DDX17: variants seen among roughly 807,000 people sequenced by gnomAD.
DDX17 encodes the protein DEAD-box helicase 17.
Under a neutral mutation model 80.8 loss-of-function variants are expected in DDX17, and 10 were observed. The ratio of observed to expected loss-of-function variants is 0.12; its 90% CI spans 0.08 to 0.21. DDX17 has a LOEUF of 0.21. Among genes scored for constraint, DDX17 ranks in the 10% least tolerant of loss-of-function variants. The pLI is 1.00. For missense variants in DDX17, 586 were observed against 957.4 expected (o/e 0.61, Z 5.12); for synonymous variants, 339 against 336.2 (o/e 1.01, Z -0.09).
chr22:38,489,607 G>A lies in DDX17; in HGVS notation c.1448-1492C>T, dbSNP rs904761581. ...TTGCCCAGACTGGATTAATTTCAAGGGAGAAAGGGGAGATTAAAAAAAAAA... is the reference window on the plus strand; with the variant it reads ...TTGCCCAGACTGGATTAATTTCAAGAGAGAAAGGGGAGATTAAAAAAAAAA... On this transcript the variant is annotated intron_variant, in intron 11 of 12. Transcript: ENST00000403230. This position sits in a 1 kb window ranked among gnomAD's most constrained non-coding sequence, Gnocchi z 4.6. 1 of 984,984 alleles carries A rather than the reference G, an allele frequency of 1.0e-6. No homozygotes were observed. Among genetic ancestry groups the A allele is most frequent in the African/African-American group, 1.7e-5 (1 of 57,164 alleles). The allele number at this position is 984,984 out of a possible 1,614,324, so 61.0% of individuals were successfully genotyped here. A position where few individuals can be genotyped will look rare whatever the true frequency, so the allele number is the denominator to read the frequency against.
In DDX17 at chr22:38,485,739, G is replaced by A. The variant is rs1437940236; in HGVS notation, c.*196C>T. 7 of 530,490 alleles carry A rather than the reference G, an allele frequency of 1.3e-5. No homozygotes were observed. Among genetic ancestry groups the A allele is most frequent in the Non-Finnish European group, 2.1e-5 (7 of 338,292 alleles). The allele number at this position is 530,490 out of a possible 1,614,324, so 32.9% of individuals were successfully genotyped here. Reference sequence around the variant, plus strand: ...ATGTTATTCCAGACTGGATCATTTTGGTGGGCAGAAGAAACCTGGCAGTGA... The same window carrying A: ...ATGTTATTCCAGACTGGATCATTTTAGTGGGCAGAAGAAACCTGGCAGTGA... On this transcript the variant is annotated 3_prime_UTR_variant, in exon 13 of 13. Transcript: ENST00000403230.
At position 38,487,909 on chromosome 22, in the gene DDX17, C is replaced by A. The variant is rs1412109977; in HGVS notation, c.1654G>T (p.Val552Leu). Residue 552 changes from valine (V) to leucine (L), a missense_variant, in exon 12 of 13, where the codon GTG becomes TTG. Transcript: ENST00000403230. Reference sequence around the variant, plus strand: ...CCTCCGCCGCCTCCTCTGTGGTCCACAAGCTGCATCAGTTTTGGATTGATA... The same window carrying A: ...CCTCCGCCGCCTCCTCTGTGGTCCAAAAGCTGCATCAGTTTTGGATTGATA... 6.2e-7 allele frequency: 1 copy of A among 1,614,112 alleles called. No homozygotes were observed. Among genetic ancestry groups the A allele is most frequent in the African/African-American group, 1.3e-5 (1 of 74,934 alleles).
At chr22:38,486,514 G>A in intron 12 of DDX17, 74 bp from the exon 13 acceptor site, 1 of 1,459,266 alleles carries the variant, frequency 6.9e-7, no homozygotes, top group Non-Finnish European at 9.1e-7. Context: ...AATTCTACTG[G>A]GTACAAAAGT....
chr22:38,494,941 C>T lies in DDX17; in HGVS notation c.986G>A (p.Arg329Lys). 6.2e-7 allele frequency: 1 copy of T among 1,614,246 alleles called. No homozygotes were observed. The highest frequency in any genetic ancestry group is 8.5e-7 in the Non-Finnish European group (1 of 1,180,050). The stretch of plus-strand genomic sequence containing the variant: ...GGGTTCAAACCCCATATCAAGCATT[C>T]TGTCAGCTTCGTCCAATACAAGGTA... The change falls in exon 7 of 13, where the codon AGA becomes AAA. Residue 329 changes from arginine to lysine, a missense_variant. Arg to Lys is a conservative substitution (Grantham distance 26). Transcript: ENST00000403230.
intron 10 of DDX17, 122 bp from the exon 11 acceptor site, chr22:38,492,237 C>A (rs1459691281): frequency 5.7e-6 from 4 of 703,396 alleles, no homozygotes; most frequent in Non-Finnish European, 9.2e-6. Flanking sequence ...TAATGACTGA[C>A]AGTGATTCTT....
chr22:38,502,601 T>A (rs34502219), intron 1 of DDX17, among the ~76,000 whole-genome samples: 1 of 152,216 alleles, frequency 6.6e-6, no homozygotes. Context: ...GCTTTTTATA[T>A]ACCTTTCACA....
chr22:38,495,441 T>C (rs942054848), intron 6 of DDX17, among the ~76,000 whole-genome samples: 3 of 152,090 alleles, frequency 2.0e-5, no homozygotes, highest in Admixed American at 1.3e-4. Flanking sequence ...GAGACGGGGT[T>C]TCACCATGTT....
chr22:38,495,277 GCT>G (rs1224139248), intron 6 of DDX17, among the ~76,000 whole-genome samples: 3 of 121,272 alleles, frequency 2.5e-5, no homozygotes, highest in Non-Finnish European at 3.3e-5. Context: ...ATGGAGTCTT[GCT>G]CTGTCACCCA....
intron 1 of DDX17, among the ~76,000 whole-genome samples, chr22:38,502,211 G>C (rs1357718398): frequency 6.6e-6 from 1 of 152,156 alleles, no homozygotes; most frequent in Non-Finnish European, 1.5e-5. Context: ...AGGAGTTTGA[G>C]ACCAGCCTGG....
At chr22:38,490,398 G>A (rs1425985791) in intron 11 of DDX17, 4 of 1,289,316 alleles carry the variant, frequency 3.1e-6, no homozygotes, top group South Asian at 2.5e-5. Context: ...GATTTGTCTC[G>A]GCCATGTATT....
chr22:38,498,072 G>T lies in DDX17; in HGVS notation c.738+13C>A. The T allele has an allele frequency of 6.2e-7, 1 of 1,612,104 alleles. No individual in the cohort carries two copies. The highest frequency in any genetic ancestry group is 1.1e-5 in the South Asian group (1 of 90,906). On this transcript the variant is annotated intron_variant, in intron 5 of 12. Transcript: ENST00000403230. ...TTTTTCTTAGAATTACAAAGAAACT[G>T]AAACACACTTACGATTGGGCCATCT...
Position 38,489,207 on chromosome 22 carries a change from A to G in DDX17, c.1448-1092T>C. ...TTTGTGATATAAATAATTAAAAAAC[A>G]TTCTCTGTTTGTTACCAGACCGATG... On this transcript the variant is annotated intron_variant, in intron 11 of 12. Transcript: ENST00000403230. This position sits in a 1 kb window ranked among gnomAD's most constrained non-coding sequence, Gnocchi z 4.6. The G allele has an allele frequency of 1.0e-6, 1 of 985,826 alleles. No homozygotes were observed. The highest frequency in any genetic ancestry group is 1.2e-6 in the Non-Finnish European group (1 of 829,928). The allele number at this position is 985,826 out of a possible 1,614,324, so 61.1% of individuals were successfully genotyped here. A position where few individuals can be genotyped will look rare whatever the true frequency, so the allele number is the denominator to read the frequency against.
rs1316764003 is a variant in DDX17 at position 38,484,828 on chromosome 22, T to C, written c.*1107A>G. ...CCGAAGAAAATCTGCACCCAGAAGC[T>C]GTTAGAAAGCACTGCAGAGAACAGG... On this transcript the variant is annotated 3_prime_UTR_variant, in exon 13 of 13. Transcript: ENST00000403230. The C allele has an allele frequency of 6.6e-6, 1 of 152,224 alleles. No individual in the cohort carries two copies. The highest frequency in any genetic ancestry group is 6.5e-5 in the Admixed American group (1 of 15,284). 9.4% of individuals were successfully genotyped at this position (152,224 alleles called of 1,614,324 possible).
At chr22:38,488,203 G>A (rs768739852) in intron 11 of DDX17, 88 bp from the exon 12 acceptor site, 61 of 1,604,542 alleles carry the variant, frequency 3.8e-5, no homozygotes, top group Non-Finnish European at 4.5e-5. Context: ...TGGGAAGCAC[G>A]AATGCAGATG....
chr22:38,488,293 G>A lies in DDX17; in HGVS notation c.1448-178C>T, dbSNP rs773167226. ...AGACTCATCCCAACAGAGTAAAAGA[G>A]GATTACTGATTCCTGGGACATGCAT... On this transcript the variant is annotated intron_variant, in intron 11 of 12. Coordinates refer to ENST00000403230, the MANE Select transcript of DDX17 (RefSeq NM_006386.5). 31 of 1,498,474 alleles carry A rather than the reference G, an allele frequency of 2.1e-5. No homozygotes were observed. In the African/African-American group the frequency reaches 3.2e-4, roughly 15 times the overall value. The allele number at this position is 1,498,474 out of a possible 1,614,324, so 92.8% of individuals were successfully genotyped here.
At chr22:38,502,187 G>A (rs761105108) in intron 1 of DDX17, among the ~76,000 whole-genome samples, 21 of 152,162 alleles carry the variant, frequency 1.4e-4, no homozygotes, top group Non-Finnish European at 2.8e-4. Context: ...GAGGCCAGTG[G>A]ATCACTTGAG....
At chr22:38,498,286 C>T (rs2089790618) in intron 4 of DDX17, 136 bp from the exon 5 acceptor site, 1 of 1,375,612 alleles carries the variant, frequency 7.3e-7, no homozygotes, top group Non-Finnish European at 9.9e-7. Flanking sequence ...GGAAGCAATA[C>T]AAATTTGAAC....
chr22:38,506,055 G>A lies in DDX17; in HGVS notation c.183C>T (p.Ala61=), dbSNP rs1402122914. 7.6e-6 allele frequency: 12 copies of A among 1,585,476 alleles called. No homozygotes were observed. The highest frequency in any genetic ancestry group is 4.6e-5 in the East Asian group (2 of 43,550). ...GGGCACGGATGGCCGGGCTCGGGAG[G>A]GCCTGCGGCTCCGGTCTGGTGACGA... The change falls in exon 1 of 13, where the codon GCC becomes GCT. Residue 61 remains alanine (A), a synonymous_variant. Coordinates refer to ENST00000403230, the MANE Select transcript of DDX17 (RefSeq NM_006386.5).
chr22:38,495,072 C>A, intron 6 of DDX17, 26 bp from the exon 7 acceptor site: 1 of 1,602,296 alleles, frequency 6.2e-7, no homozygotes, highest in Non-Finnish European at 8.5e-7. Context: ...AATGATCGAG[C>A]CAATCGACTA....
Sources: gnomAD v4.1 joint callset for allele counts (sites outside exome capture counted in the v4.1 genomes callset) on GRCh38, gnomAD v4.1.1 for gene constraint, Gnocchi (gnomAD v3.1) non-coding constraint, MANE v1.5 for transcripts, NCBI Gene and HGNC (gene_info 2026-07-23, HGNC 2026-07-21) for gene names.